Variants in FNIP2 observed in about 807,000 individuals in gnomAD.
FNIP2 encodes folliculin interacting protein 2.
In FNIP2, 32 loss-of-function variants were observed where a neutral mutation model predicts 108.7. The observed-to-expected ratio is 0.29, with a 90% CI of 0.22 to 0.40. FNIP2 has a LOEUF of 0.40. Ranked by LOEUF, FNIP2 falls within the 10% of genes least tolerant of loss-of-function variation. The probability of loss-of-function intolerance (pLI) is 1.00; values close to 1 mark genes in which losing one functional copy is unlikely to be tolerated. For missense variants in FNIP2, 1,202 were observed against 1,381.6 expected, an observed-to-expected ratio of 0.87 and a Z score of 2.06; for synonymous variants, 480 against 496.7, an observed-to-expected ratio of 0.97 and a Z score of 0.45.
At chr4:158,801,446 T>C in intron 1 of FNIP2, among the ~76,000 whole-genome samples, 1 of 152,180 alleles carries the variant, frequency 6.6e-6, no homozygotes, top group East Asian at 1.9e-4. Flanking sequence ...CTTAGCCCCT[T>C]CCCAGATCTG....
chr4:158,789,407 T>C (rs1776330371), intron 1 of FNIP2, among the ~76,000 whole-genome samples: 1 of 152,200 alleles, frequency 6.6e-6, no homozygotes, highest in African/African-American at 2.4e-5. Context: ...TGAAGGACAG[T>C]TCATTTATTT....
At chr4:158,899,025 C>T (rs1394823891) in intron 16 of FNIP2, among the ~76,000 whole-genome samples, 1 of 152,090 alleles carries the variant, frequency 6.6e-6, no homozygotes, top group Non-Finnish European at 1.5e-5. Context: ...CCCTCAATAC[C>T]TAGTTTATTG....
chr4:158,885,070 C>T (rs1382363729), intron 14 of FNIP2, among the ~76,000 whole-genome samples: 1 of 151,962 alleles, frequency 6.6e-6, no homozygotes, highest in African/African-American at 2.4e-5. Context: ...GCACGAGAAT[C>T]ACTTGAGCCT....
At chr4:158,817,726 T>C (rs1777656195) in intron 1 of FNIP2, among the ~76,000 whole-genome samples, 1 of 152,192 alleles carries the variant, frequency 6.6e-6, no homozygotes, top group Non-Finnish European at 1.5e-5. Context: ...TTTTATACTT[T>C]TAGTAGAGAT....
intron 1 of FNIP2, among the ~76,000 whole-genome samples, chr4:158,787,378 C>T (rs1198361144): frequency 1.3e-5 from 2 of 152,144 alleles, no homozygotes; most frequent in Admixed American, 6.5e-5. Context: ...TGCTGCTCTG[C>T]GCCAACGACT....
intron 8 of FNIP2, among the ~76,000 whole-genome samples, chr4:158,852,747 C>A (rs762259397): frequency 3.3e-5 from 5 of 152,186 alleles, no homozygotes; most frequent in Admixed American, 6.5e-5. Context: ...GCATCGCCAC[C>A]ATCCTCACTG....
chr4:158,816,259 T>G (rs1349127751), intron 1 of FNIP2, among the ~76,000 whole-genome samples: 2 of 152,108 alleles, frequency 1.3e-5, no homozygotes, highest in Non-Finnish European at 2.9e-5. Context: ...CTGCATACGG[T>G]TTAATTAGAT....
chr4:158,843,724 G>C (rs1046665455), intron 7 of FNIP2, among the ~76,000 whole-genome samples: 1 of 152,206 alleles, frequency 6.6e-6, no homozygotes, highest in African/African-American at 2.4e-5. Context: ...GGGGATGGGA[G>C]AGTGGTGCAG....
At chr4:158,778,990 C>T (rs1374636205) in intron 1 of FNIP2, among the ~76,000 whole-genome samples, 1 of 152,176 alleles carries the variant, frequency 6.6e-6, no homozygotes, top group South Asian at 2.1e-4. Flanking sequence ...CATATGATAG[C>T]GGCTGTTTAG....
At chr4:158,880,040 C>G (rs1205588144) in intron 14 of FNIP2, among the ~76,000 whole-genome samples, 1 of 150,204 alleles carries the variant, frequency 6.7e-6, no homozygotes, top group Non-Finnish European at 1.5e-5. Context: ...TGTGGCGATT[C>G]CTCAAGGATC....
At chr4:158,771,567 G>A (rs1775700787) in intron 1 of FNIP2, among the ~76,000 whole-genome samples, 1 of 152,220 alleles carries the variant, frequency 6.6e-6, no homozygotes, top group African/African-American at 2.4e-5. Context: ...TAGTTAAATA[G>A]AGTTTTAGAA....
chr4:158,883,252 G>GT (rs1240473426), intron 14 of FNIP2, among the ~76,000 whole-genome samples: 1 of 143,848 alleles, frequency 7.0e-6, no homozygotes, highest in Non-Finnish European at 1.6e-5. Flanking sequence ...TGTTTTTTTT[G>GT]TTTTTTTGAG....
At chr4:158,899,214 G>T (rs1782977327) in intron 16 of FNIP2, among the ~76,000 whole-genome samples, 1 of 152,186 alleles carries the variant, frequency 6.6e-6, no homozygotes, top group African/African-American at 2.4e-5. Flanking sequence ...GATCGTGGTG[G>T]ATAAGCTTTT....
rs570886009 is a variant in FNIP2 at position 158,865,847 on chromosome 4, C to T, written c.1466-2255C>T. Among the ~76,000 whole-genome samples the T allele has an allele frequency of 2.6e-5, 4 of 152,178 alleles. No homozygotes were observed. In the South Asian group the frequency reaches 8.3e-4, roughly 32 times the overall value. ...GGCTGATTTCTCAGTCACTTGCAAA[C>T]GCCTCTCAGTTAAAGCTCTATCAGC... On this transcript the variant is annotated intron_variant, in intron 12 of 16. Coordinates refer to ENST00000264433, the MANE Select transcript of FNIP2 (RefSeq NM_020840.3).
intron 1 of FNIP2, among the ~76,000 whole-genome samples, chr4:158,778,941 C>T (rs1477598229): frequency 1.3e-5 from 2 of 152,222 alleles, no homozygotes; most frequent in Non-Finnish European, 2.9e-5. Context: ...CCAAACCGCA[C>T]TCCAGAGAGG....
At chr4:158,877,964 G>A (rs1264374419) in intron 14 of FNIP2, among the ~76,000 whole-genome samples, 3 of 128,334 alleles carry the variant, frequency 2.3e-5, no homozygotes, top group Non-Finnish European at 4.9e-5. Flanking sequence ...CTCACCCACC[G>A]ACCAGCCAAA....
At chr4:158,856,982 T>G (rs1780021658) in intron 8 of FNIP2, among the ~76,000 whole-genome samples, 1 of 152,242 alleles carries the variant, frequency 6.6e-6, no homozygotes, top group Non-Finnish European at 1.5e-5. Context: ...GATTTAGAAT[T>G]CAGTGGAGGG....
At position 158,868,119 on chromosome 4, in the gene FNIP2, A is replaced by G. The variant is rs1780688733; in HGVS notation, c.1483A>G (p.Ile495Val). The change falls in exon 13 of 17, where the codon ATA (isoleucine) becomes GTA (valine). Residue 495 changes from isoleucine to valine, a missense_variant. Ile to Val is a conservative substitution (Grantham distance 29). This residue lies in a region of FNIP2 where 878 missense variants were observed against 990.3 expected (regional missense o/e 0.89). Coordinates refer to ENST00000264433, the MANE Select transcript of FNIP2 (RefSeq NM_020840.3). The surrounding 1 kb of genome is among the most constrained non-coding windows in gnomAD (Gnocchi z 4.6). ...CTCTCTAGGTGATCTTTACGGAGCCATAGGCTCTCCAGTGAGACTGACTCG... is the reference window on the plus strand; with the variant it reads ...CTCTCTAGGTGATCTTTACGGAGCCGTAGGCTCTCCAGTGAGACTGACTCG... ...WAQLGDLYGA[I>V]GSPVRLTRTV... is the part of the protein sequence containing the mutation. The G allele has an allele frequency of 6.2e-7, 1 of 1,614,016 alleles. No individual in the cohort carries two copies. The highest frequency in any genetic ancestry group is 1.1e-5 in the South Asian group (1 of 91,068).
intron 12 of FNIP2, among the ~76,000 whole-genome samples, chr4:158,864,603 T>A (rs1016361537): frequency 6.6e-6 from 1 of 152,130 alleles, no homozygotes; most frequent in Non-Finnish European, 1.5e-5. Flanking sequence ...GTCCCCTACC[T>A]CTCTAACCCC....
Sources: gnomAD v4.1 joint callset for allele counts (sites outside exome capture counted in the v4.1 genomes callset) on GRCh38, gnomAD v4.1.1 for gene constraint, gnomAD v4.1.1 regional missense constraint, Gnocchi (gnomAD v3.1) non-coding constraint, MANE v1.5 for transcripts, NCBI Gene and HGNC (gene_info 2026-07-23, HGNC 2026-07-21) for gene names.